Variants in PCDHGA5 observed in about 807,000 individuals in gnomAD.
The protein encoded by PCDHGA5 is protocadherin gamma-A5.
PCDHGA5 carries 36 observed loss-of-function variants against 56.7 expected under a neutral mutation model. That is an observed-to-expected ratio of 0.64 (90% CI 0.49 to 0.84). The LOEUF is 0.84. Among genes scored for constraint, PCDHGA5 ranks in the 40% least tolerant of loss-of-function variants. PCDHGA5 has a pLI of 0.00. For synonymous variants in PCDHGA5, 563 were observed against 520.2 expected (o/e 1.08, Z -1.12); for missense variants, 1,305 against 1,201.5 (o/e 1.09, Z -1.27).
chr5:141,413,841 T>G, intron 1 of PCDHGA5: 1 of 1,613,060 alleles, frequency 6.2e-7, no homozygotes, highest in Non-Finnish European at 8.5e-7. Context: ...CCGACGGGGG[T>G]GACCCTCTCC....
chr5:141,405,431 T>C (rs1308544171), intron 1 of PCDHGA5: 18 of 1,490,646 alleles, frequency 1.2e-5, no homozygotes, highest in Non-Finnish European at 1.6e-5. Context: ...TGTTTTGTTT[T>C]GTTTTTGAGA....
rs773499765 is a variant in PCDHGA5 at position 141,489,626 on chromosome 5, A to T, written c.2422-5181A>T. 6.2e-6 allele frequency: 10 copies of T among 1,613,568 alleles called. No individual in the cohort carries two copies. In the South Asian group the frequency reaches 9.9e-5, roughly 16 times the overall value. On this transcript the variant is annotated intron_variant, in intron 1 of 3. Coordinates refer to ENST00000518069, the MANE Select transcript of PCDHGA5 (RefSeq NM_018918.3). The surrounding 1 kb of genome is among the most constrained non-coding windows in gnomAD (Gnocchi z 4.5). The stretch of plus-strand genomic sequence containing the variant: ...GTAGAGATCCTGGATCTCAATGACA[A>T]CTCTCCTAGCTTTGCCACCCCTGAG...
At chr5:141,389,652 G>C in intron 1 of PCDHGA5, 1 of 1,612,638 alleles carries the variant, frequency 6.2e-7, no homozygotes, top group South Asian at 1.1e-5. Context: ...GACCAAGGTA[G>C]TGGCGGTGGA....
intron 1 of PCDHGA5, chr5:141,383,326 A>G: frequency 6.2e-7 from 1 of 1,614,030 alleles, no homozygotes; most frequent in Non-Finnish European, 8.5e-7. Flanking sequence ...TGTAAAAATA[A>G]TGGAGAATAC....
At chr5:141,403,102 G>T (rs765706858) in intron 1 of PCDHGA5, 1 of 1,614,046 alleles carries the variant, frequency 6.2e-7, no homozygotes, top group Admixed American at 1.7e-5. Context: ...ACATCTCCAA[G>T]GACCTGGCTC....
rs762770481 is a variant in PCDHGA5, at chr5:141,432,320, G to GACT, written c.2422-62484_2422-62482dup. On this transcript the variant is annotated intron_variant, in intron 1 of 3. Coordinates refer to ENST00000518069, the MANE Select transcript of PCDHGA5 (RefSeq NM_018918.3). This position sits in a 1 kb window ranked among gnomAD's most constrained non-coding sequence, Gnocchi z 6.0. ...GGTACTGTATGCGCTGAGCTCCTTC[G>GACT]ACTACGAGCAGTTCCGAGACTTGCA... is the stretch of plus-strand genomic sequence containing the variant. The GACT allele has an allele frequency of 2.6e-5, 42 of 1,614,238 alleles. No individual in the cohort carries two copies. The highest frequency in any genetic ancestry group is 3.6e-5 in the Non-Finnish European group (42 of 1,180,038).
intron 1 of PCDHGA5, chr5:141,478,782 T>C: frequency 6.7e-7 from 1 of 1,485,212 alleles, no homozygotes. Context: ...GTGGACCTAA[T>C]TCACATCCTC....
chr5:141,405,609 G>A, intron 1 of PCDHGA5: 1 of 562,334 alleles, frequency 1.8e-6, no homozygotes. Context: ...AGAATAACTG[G>A]GACTACAGGC....
chr5:141,508,270 G>C lies in PCDHGA5; in HGVS notation c.2570-2677G>C, dbSNP rs547745015. On this transcript the variant is annotated intron_variant, in intron 3 of 3. Coordinates refer to ENST00000518069, the MANE Select transcript of PCDHGA5 (RefSeq NM_018918.3). Reference sequence around the variant, plus strand: ...TCTCCTGGGACCAAGAGAAAATCCCGGTCCTTGACCAAGGTGGGCCTTGGG... The same window carrying C: ...TCTCCTGGGACCAAGAGAAAATCCCCGTCCTTGACCAAGGTGGGCCTTGGG... 4 of 152,228 alleles carry C rather than the reference G, an allele frequency of 2.6e-5. No individual in the cohort carries two copies. The East Asian group carries it at 7.7e-4, about 29-fold the overall frequency. 9.4% of individuals were successfully genotyped at this position (152,228 alleles called of 1,614,324 possible). A position where few individuals can be genotyped will look rare whatever the true frequency, so the allele number is the denominator to read the frequency against.
chr5:141,420,255 A>G lies in PCDHGA5; in HGVS notation c.2421+53504A>G, dbSNP rs917458059. The G allele has an allele frequency of 7.6e-6, 12 of 1,569,630 alleles. No homozygotes were observed. Among genetic ancestry groups the G allele is most frequent in the African/African-American group, 1.4e-5 (1 of 73,152 alleles). ...ATTTTAACTCCCAGCGTTGAAGCAG[A>G]TAAGAAGATTCTTAAACAGGTAAGT... is the stretch of plus-strand genomic sequence containing the variant. On this transcript the variant is annotated intron_variant, in intron 1 of 3. Coordinates refer to ENST00000518069, the MANE Select transcript of PCDHGA5 (RefSeq NM_018918.3).
chr5:141,485,134 C>T lies in PCDHGA5; in HGVS notation c.2422-9673C>T. The T allele has an allele frequency of 6.7e-7, 1 of 1,495,958 alleles. No homozygotes were observed. The highest frequency in any genetic ancestry group is 1.4e-5 in the African/African-American group (1 of 72,714). 92.7% of individuals were successfully genotyped at this position (1,495,958 alleles called of 1,614,324 possible). On this transcript the variant is annotated intron_variant, in intron 1 of 3. Transcript: ENST00000518069. The surrounding 1 kb of genome is among the most constrained non-coding windows in gnomAD (Gnocchi z 5.7). Reference sequence around the variant, plus strand: ...CTGTTTGGGGCGGGTCGGCTTCATCCGCGTCTCAGGAGCAAGTAGAGAATT... The same window carrying T: ...CTGTTTGGGGCGGGTCGGCTTCATCTGCGTCTCAGGAGCAAGTAGAGAATT...
intron 1 of PCDHGA5, chr5:141,392,605 CA>C (rs2092562177): frequency 1.9e-6 from 1 of 514,610 alleles, no homozygotes; most frequent in Admixed American, 3.7e-5. Context: ...TACTGGAAGA[CA>C]AATGCAACCG....
At chr5:141,457,524 G>A (rs1427291573) in intron 1 of PCDHGA5, among the ~76,000 whole-genome samples, 1 of 152,188 alleles carries the variant, frequency 6.6e-6, no homozygotes, top group African/African-American at 2.4e-5. Context: ...CAATTAATGA[G>A]ACTAGGGTTT....
At chr5:141,420,275 G>T in intron 1 of PCDHGA5, 1 of 1,524,576 alleles carries the variant, frequency 6.6e-7, no homozygotes, top group Non-Finnish European at 8.9e-7. Flanking sequence ...TCTTAAACAG[G>T]TAAGTATTTA....
intron 1 of PCDHGA5, chr5:141,419,030 C>G (rs1178461733): frequency 5.0e-6 from 8 of 1,613,768 alleles, no homozygotes; most frequent in Non-Finnish European, 6.8e-6. Context: ...TAGAGGTGTT[C>G]CATTTAAGAT....
rs1562052190 is a variant in PCDHGA5, at chr5:141,476,218, CTA to C, written c.2422-18587_2422-18586del. The C allele has an allele frequency of 6.2e-7, 1 of 1,613,984 alleles. No individual in the cohort carries two copies. The highest frequency in any genetic ancestry group is 8.5e-7 in the Non-Finnish European group (1 of 1,180,024). ...TGAACAAGGCTTCCACGGTCATTCA[CTA>C]TGAGATCCCGGAGGAAAGAGAGAAG... On this transcript the variant is annotated intron_variant, in intron 1 of 3. Coordinates refer to ENST00000518069, the MANE Select transcript of PCDHGA5 (RefSeq NM_018918.3). This position sits in a 1 kb window ranked among gnomAD's most constrained non-coding sequence, Gnocchi z 7.6.
At chr5:141,405,334 T>C in intron 1 of PCDHGA5, 1 of 1,614,196 alleles carries the variant, frequency 6.2e-7, no homozygotes. Flanking sequence ...TGTGCGTCTC[T>C]GTTGATTCCA....
chr5:141,510,291 A>AG (rs903726285), intron 3 of PCDHGA5, among the ~76,000 whole-genome samples: 1 of 150,450 alleles, frequency 6.6e-6, no homozygotes, highest in African/African-American at 2.4e-5. Context: ...AAAAAAAAAA[A>AG]TGCTGTTTTG....
intron 2 of PCDHGA5, among the ~76,000 whole-genome samples, chr5:141,497,522 G>A (rs998999424): frequency 3.3e-5 from 5 of 150,848 alleles, no homozygotes; most frequent in African/African-American, 4.9e-5. Flanking sequence ...TAGTTAACTT[G>A]TGGAGGATGC....
Sources: gnomAD v4.1 joint callset for allele counts (sites outside exome capture counted in the v4.1 genomes callset) on GRCh38, gnomAD v4.1.1 for gene constraint, Gnocchi (gnomAD v3.1) non-coding constraint, MANE v1.5 for transcripts, NCBI Gene and HGNC (gene_info 2026-07-23, HGNC 2026-07-21) for gene names.